Variants in PTPDC1 observed in about 807,000 individuals in gnomAD.
The protein encoded by PTPDC1 is protein tyrosine phosphatase domain containing 1.
Under a neutral mutation model 75.3 loss-of-function variants are expected in PTPDC1, and 53 were observed. That is an observed-to-expected ratio of 0.70 (90% CI 0.56 to 0.88). The LOEUF (loss-of-function observed/expected upper bound fraction) is 0.88. PTPDC1 is among the 40% of genes least tolerant of loss of function. The pLI is 0.00. For synonymous variants in PTPDC1, 349 were observed against 366.2 expected, an observed-to-expected ratio of 0.95 and a Z score of 0.54; for missense variants, 925 against 998.6, an observed-to-expected ratio of 0.93 and a Z score of 0.99.
chr9:94,064,474 G>A (rs1826236487), intron 1 of PTPDC1, among the ~76,000 whole-genome samples: 1 of 152,134 alleles, frequency 6.6e-6, no homozygotes. Context: ...ACAATAATCT[G>A]TTAGCCATGA....
At chr9:94,042,602 T>C (rs1225558527) in intron 1 of PTPDC1, among the ~76,000 whole-genome samples, 1 of 152,258 alleles carries the variant, frequency 6.6e-6, no homozygotes, top group Non-Finnish European at 1.5e-5. Context: ...TAATCTGTTT[T>C]GGTTTAGGGT....
At chr9:94,101,409 A>G in intron 6 of PTPDC1, 157 bp from the exon 7 acceptor site, 1 of 523,414 alleles carries the variant, frequency 1.9e-6, no homozygotes, top group East Asian at 3.0e-5. Context: ...CCAGCCTGGA[A>G]GTGGAGAGGC....
chr9:94,102,991 T>TACAC (rs10624415), intron 7 of PTPDC1, among the ~76,000 whole-genome samples: 15,716 of 148,860 alleles, frequency 0.11, 904 homozygotes, highest in African/African-American at 0.16. Flanking sequence ...CTGCTGTTAC[T>TACAC]ACACACACAC....
In PTPDC1 at chr9:94,092,841, T is replaced by G. The variant is rs1432090831; in HGVS notation, c.617-2476T>G. ...TTGATCCCTTTACCATTATGTAATG[T>G]CCTTCTTTGTCTCTTTTGATCTTTG... is the stretch of plus-strand genomic sequence containing the variant. On this transcript the variant is annotated intron_variant, in intron 4 of 8. Coordinates refer to ENST00000620992, the MANE Select transcript of PTPDC1 (RefSeq NM_001253829.2). Among the ~76,000 whole-genome samples the G allele has an allele frequency of 1.3e-3, 193 of 151,138 alleles. 1 individual carries two copies. Among genetic ancestry groups the G allele is most frequent in the African/African-American group, 4.3e-3 (177 of 41,118 alleles).
intron 1 of PTPDC1, among the ~76,000 whole-genome samples, chr9:94,063,534 A>C (rs901186429): frequency 1.3e-5 from 2 of 152,170 alleles, no homozygotes; most frequent in Non-Finnish European, 2.9e-5. Context: ...CATTCTTTTT[A>C]ATTTCACTTT....
chr9:94,084,378 GTTTC>G, upstream of PTPDC1: 2 of 1,277,124 alleles, frequency 1.6e-6, no homozygotes, highest in Non-Finnish European at 1.0e-6. Context: ...GGAATCAGTA[GTTTC>G]TTTGTTTGTC....
In PTPDC1 at chr9:94,098,310, A is replaced by G. The variant is rs1361964579; in HGVS notation, c.1744A>G (p.Lys582Glu). Reference sequence around the variant, plus strand: ...CCAGCAAGTGTCTCACTGTCAGTGTAAAACTCATGGTGTTGGGAGCCCTGG... The same window carrying G: ...CCAGCAAGTGTCTCACTGTCAGTGTGAAACTCATGGTGTTGGGAGCCCTGG... ...AHQQVSHCQC[K>E]THGVGSPGSV... Residue 582 changes from lysine to glutamate, a missense_variant, in exon 6 of 9, where the codon AAA (lysine) becomes GAA (glutamate). Lys to Glu is a moderately conservative substitution (Grantham distance 56). Coordinates refer to ENST00000620992, the MANE Select transcript of PTPDC1 (RefSeq NM_001253829.2). 6.2e-6 allele frequency: 10 copies of G among 1,614,112 alleles called. No individual in the cohort carries two copies. The highest frequency in any genetic ancestry group is 8.5e-6 in the Non-Finnish European group (10 of 1,180,042).
At chr9:94,032,257 C>A (rs1471164322) in intron 1 of PTPDC1, among the ~76,000 whole-genome samples, 3 of 152,190 alleles carry the variant, frequency 2.0e-5, no homozygotes, top group African/African-American at 7.2e-5. Context: ...TGCAAAATCT[C>A]AGCTCCCACT....
intron 1 of PTPDC1, chr9:94,038,316 C>T (rs1458632511): frequency 3.0e-6 from 2 of 674,270 alleles, no homozygotes; most frequent in Admixed American, 2.0e-5. Flanking sequence ...AAAATGATAG[C>T]TTATCTCAAA....
chr9:94,098,905 C>G (rs1322550823), intron 6 of PTPDC1, among the ~76,000 whole-genome samples: 1 of 152,206 alleles, frequency 6.6e-6, no homozygotes, highest in African/African-American at 2.4e-5. Context: ...TCGAAACTGA[C>G]TAGAAGCATC....
At chr9:94,049,034 T>C (rs1825704199) in intron 1 of PTPDC1, among the ~76,000 whole-genome samples, 1 of 135,676 alleles carries the variant, frequency 7.4e-6, no homozygotes, top group Non-Finnish European at 1.6e-5. Context: ...CAACCCCTGC[T>C]TATTTTTTTT....
intron 2 of PTPDC1, among the ~76,000 whole-genome samples, chr9:94,071,757 A>G (rs201645630): frequency 6.6e-6 from 1 of 152,200 alleles, no homozygotes; most frequent in Non-Finnish European, 1.5e-5. Flanking sequence ...GTGACTTTAA[A>G]TAAGCTTATT....
chr9:94,067,359 C>T (rs1826344064), intron 2 of PTPDC1, among the ~76,000 whole-genome samples: 1 of 151,530 alleles, frequency 6.6e-6, no homozygotes, highest in East Asian at 1.9e-4. Context: ...CACTGCATTC[C>T]AGCCTGGGTG....
Position 94,049,491 on chromosome 9 carries a change from A to T in PTPDC1, c.-6-15243A>T, listed in dbSNP as rs546678497. Among the ~76,000 whole-genome samples, 463 of 152,316 alleles carry T rather than the reference A, an allele frequency of 3.0e-3. 1 individual carries two copies. Among genetic ancestry groups the T allele is most frequent in the Non-Finnish European group, 5.1e-3 (346 of 68,032 alleles). On this transcript the variant is annotated intron_variant, in intron 1 of 9. Transcript: ENST00000375360. ...CTTATGAAGCTTAGTTTGGCTGGAT[A>T]TGAAATTCTGAGTTGAAAATTCTTT...
intron 1 of PTPDC1, among the ~76,000 whole-genome samples, chr9:94,043,057 G>A (rs1825478984): frequency 6.6e-6 from 1 of 152,148 alleles, no homozygotes; most frequent in South Asian, 2.1e-4. Context: ...TACACTACAT[G>A]TACAGATACT....
intron 2 of PTPDC1, among the ~76,000 whole-genome samples, chr9:94,078,201 G>T (rs1826758326): frequency 6.6e-6 from 1 of 152,156 alleles, no homozygotes; most frequent in Non-Finnish European, 1.5e-5. Context: ...CGCTAAGTCT[G>T]CTAGCAACAA....
chr9:94,103,164 C>T (rs1359753059), intron 7 of PTPDC1, among the ~76,000 whole-genome samples: 1 of 152,194 alleles, frequency 6.6e-6, no homozygotes, highest in Non-Finnish European at 1.5e-5. Context: ...CAATACATAT[C>T]TTTTAAGAAG....
At chr9:94,092,906 C>A (rs1827382124) in intron 4 of PTPDC1, among the ~76,000 whole-genome samples, 2 of 151,012 alleles carry the variant, frequency 1.3e-5, no homozygotes, top group African/African-American at 4.9e-5. Context: ...AGGATTGCAA[C>A]CCCTGCCTTT....
At chr9:94,077,505 C>A (rs1028389816) in intron 2 of PTPDC1, among the ~76,000 whole-genome samples, 1 of 152,144 alleles carries the variant, frequency 6.6e-6, no homozygotes, top group African/African-American at 2.4e-5. Context: ...GCTATAGTGG[C>A]TAACAGTACT....
Sources: allele counts gnomAD v4.1 joint callset (sites outside exome capture counted in the v4.1 genomes callset), GRCh38; gene constraint gnomAD v4.1.1; transcripts MANE v1.5; gene names NCBI Gene and HGNC (gene_info 2026-07-23, HGNC 2026-07-21).